The following RGS22 variants were observed in gnomAD, a reference collection of about 807,000 sequenced individuals.
RGS22 encodes regulator of G-protein signaling 22.
Under a neutral mutation model 172.9 loss-of-function variants are expected in RGS22, and 148 were observed. That is an observed-to-expected ratio of 0.86 (90% CI 0.75 to 0.98). The LOEUF is 0.98. Ranked by LOEUF, RGS22 falls within the 50% of genes least tolerant of loss-of-function variation. The pLI, the probability that RGS22 is intolerant of heterozygous loss-of-function variation, is 0.00. For missense variants in RGS22, 1,347 were observed against 1,440.8 expected (o/e 0.93, Z 1.05); for synonymous variants, 458 against 480.2 (o/e 0.95, Z 0.60).
At chr8:100,088,776 T>G (rs1812344138) in intron 3 of RGS22, among the ~76,000 whole-genome samples, 1 of 152,046 alleles carries the variant, frequency 6.6e-6, no homozygotes, top group African/African-American at 2.4e-5. Context: ...GCCTGATTCC[T>G]AGGCCCATTT....
chr8:100,039,809 C>T (rs146729307), intron 13 of RGS22, among the ~76,000 whole-genome samples, 153 bp downstream of exon 13: 72 of 151,838 alleles, frequency 4.7e-4, no homozygotes, highest in African/African-American at 1.6e-3. Flanking sequence ...AATTGAGATG[C>T]TTAAATATTT....
At chr8:100,053,015 A>C (rs1293665347) in intron 9 of RGS22, 39 bp from the exon 10 acceptor site, 5 of 1,567,300 alleles carry the variant, frequency 3.2e-6, no homozygotes, top group Non-Finnish European at 4.4e-6. Context: ...TGAACTAAAC[A>C]ACAAGCCTCA....
In RGS22 at chr8:100,015,450, G is replaced by A. The variant is rs143072080; in HGVS notation, c.2167-6881C>T. 3.9e-4 allele frequency among the ~76,000 whole-genome samples: 60 copies of A among 152,068 alleles called. 1 individual carries two copies. Among genetic ancestry groups the A allele is most frequent in the South Asian group, 1.0e-3 (5 of 4,796 alleles). On this transcript the variant is annotated intron_variant, in intron 14 of 27. Coordinates refer to ENST00000360863, the MANE Select transcript of RGS22 (RefSeq NM_015668.5). Reference sequence around the variant, plus strand: ...TGGGACCACAGGCATTCACCACCACGCCAGGCTAATTTTTGTATTTTTCGT... The same window carrying A: ...TGGGACCACAGGCATTCACCACCACACCAGGCTAATTTTTGTATTTTTCGT...
At chr8:100,091,266 A>C (rs889568501) in intron 3 of RGS22, among the ~76,000 whole-genome samples, 1 of 150,760 alleles carries the variant, frequency 6.6e-6, no homozygotes, top group African/African-American at 2.5e-5. Flanking sequence ...AGACTGTGTG[A>C]TCCTGAATGT....
At chr8:100,058,304 G>A (rs1009074136) in intron 9 of RGS22, among the ~76,000 whole-genome samples, 2 of 152,026 alleles carry the variant, frequency 1.3e-5, no homozygotes, top group African/African-American at 4.8e-5. Context: ...GATAATAACA[G>A]AGAACTTCTC....
chr8:99,981,937 C>G lies in RGS22; in HGVS notation c.3360G>C (p.Gln1120His), dbSNP rs1447606192. Residue 1120 changes from glutamine to histidine, a missense_variant and splice_region_variant, in exon 22 of 28, where the codon CAG becomes CAC. Coordinates refer to ENST00000360863, the MANE Select transcript of RGS22 (RefSeq NM_015668.5). ...TTAGCCACATGCCCTGATCTCTTAC[C>G]TGTGCCTCTCTAAATACATATGGTC... ...ELGPYVFREA[Q>H]MTIFGVLFKF... is the part of the protein sequence containing the mutation. 3 of 1,607,766 alleles carry G rather than the reference C, an allele frequency of 1.9e-6. No homozygotes were observed. Among genetic ancestry groups the G allele is most frequent in the Admixed American group, 3.4e-5 (2 of 58,876 alleles).
At chr8:100,019,421 G>A (rs1056206525) in intron 14 of RGS22, among the ~76,000 whole-genome samples, 1 of 152,162 alleles carries the variant, frequency 6.6e-6, no homozygotes, top group Non-Finnish European at 1.5e-5. Flanking sequence ...TGGTAACACT[G>A]ATTACCTGAT....
intron 10 of RGS22, among the ~76,000 whole-genome samples, chr8:100,049,121 G>A (rs1821022197): frequency 6.6e-6 from 1 of 152,130 alleles, no homozygotes; most frequent in Non-Finnish European, 1.5e-5. Context: ...TGATGGGGAT[G>A]GGTGGGGAAA....
At chr8:100,041,552 G>T (rs1045709426) in intron 12 of RGS22, among the ~76,000 whole-genome samples, 1 of 151,760 alleles carries the variant, frequency 6.6e-6, no homozygotes, top group Non-Finnish European at 1.5e-5. Context: ...TCTTTCAAGT[G>T]TCATCATACC....
intron 14 of RGS22, among the ~76,000 whole-genome samples, chr8:100,009,519 T>C (rs1274802473): frequency 1.3e-5 from 2 of 152,034 alleles, no homozygotes; most frequent in African/African-American, 4.8e-5. Context: ...CTAATTGTCA[T>C]GTCTCTCAAT....
intron 23 of RGS22, among the ~76,000 whole-genome samples, chr8:99,970,231 C>T (rs1811188356): frequency 6.6e-6 from 1 of 152,138 alleles, no homozygotes; most frequent in African/African-American, 2.4e-5. Flanking sequence ...ACAGCTAAAG[C>T]AGTGTTAAGA....
intron 14 of RGS22, among the ~76,000 whole-genome samples, chr8:100,015,531 A>G: frequency 6.6e-6 from 1 of 152,190 alleles, no homozygotes; most frequent in East Asian, 1.9e-4. Flanking sequence ...GATCTCAAGT[A>G]ATCTGCCTGC....
intron 20 of RGS22, among the ~76,000 whole-genome samples, chr8:99,994,296 AT>A (rs1406186797): frequency 6.6e-6 from 1 of 152,312 alleles, no homozygotes; most frequent in East Asian, 1.9e-4. Flanking sequence ...AATAAAGGGT[AT>A]TCAAGTAGGA....
intron 14 of RGS22, among the ~76,000 whole-genome samples, chr8:100,010,454 G>A (rs147680560): frequency 6.6e-6 from 1 of 152,088 alleles, no homozygotes. Flanking sequence ...CCACTGCACT[G>A]CAGCCTGGCA....
rs140892038 is a variant in RGS22, at chr8:100,071,455, C to T, written c.508G>A (p.Val170Met). 1.3e-4 allele frequency: 203 copies of T among 1,612,788 alleles called. No homozygotes were observed. The highest frequency in any genetic ancestry group is 6.1e-4 in the African/African-American group (46 of 74,936). Residue 170 changes from valine to methionine, a missense_variant, in exon 6 of 28, where the codon GTG becomes ATG. Coordinates refer to ENST00000360863, the MANE Select transcript of RGS22 (RefSeq NM_015668.5). ...TVGSNFSPWI[V>M]KKPPSLPPPA... ...GGTGGTAGACTGGGTGGTTTTTTCA[C>T]GATCCAGGGAGAAAAATTTGATCCT...
At chr8:100,002,952 G>C (rs1815260842) in intron 17 of RGS22, 1 of 153,404 alleles carries the variant, frequency 6.5e-6, no homozygotes, top group South Asian at 2.0e-4. Context: ...TCCAGCTGCT[G>C]CAGAGGCTGA....
intron 14 of RGS22, among the ~76,000 whole-genome samples, chr8:100,012,206 A>T (rs1177403649): frequency 6.6e-6 from 1 of 152,126 alleles, no homozygotes; most frequent in Non-Finnish European, 1.5e-5. Flanking sequence ...AGGAAAGCAA[A>T]CGAGGTCAAA....
At chr8:100,046,930 T>C (rs1820786923) in intron 11 of RGS22, among the ~76,000 whole-genome samples, 1 of 152,020 alleles carries the variant, frequency 6.6e-6, no homozygotes, top group Non-Finnish European at 1.5e-5. Flanking sequence ...TTCTTATCCC[T>C]CAGCCTTCCG....
intron 7 of RGS22, 27 bp downstream of exon 7, chr8:100,066,140 A>C: frequency 6.2e-7 from 1 of 1,604,420 alleles, no homozygotes; most frequent in African/African-American, 1.3e-5. Context: ...AGAAGTTCTG[A>C]AGTCATTCTT....
Sources: gnomAD v4.1 joint callset for allele counts (sites outside exome capture counted in the v4.1 genomes callset) on GRCh38, gnomAD v4.1.1 for gene constraint, MANE v1.5 for transcripts, NCBI Gene and HGNC (gene_info 2026-07-23, HGNC 2026-07-21) for gene names.